BCKDHB: variants seen among roughly 807,000 people sequenced by gnomAD.
BCKDHB encodes the protein 2-oxoisovalerate dehydrogenase subunit beta, mitochondrial.
A neutral mutation model predicts 48.5 loss-of-function variants in BCKDHB; 41 were observed. That is an observed-to-expected ratio of 0.85 (90% CI 0.66 to 1.10). The LOEUF (loss-of-function observed/expected upper bound fraction) is 1.10. BCKDHB is among the 50% of genes least tolerant of loss of function. The pLI, the probability that BCKDHB is intolerant of heterozygous loss-of-function variation, is 0.00. For missense variants in BCKDHB, 496 were observed against 494.2 expected (o/e 1.00, Z -0.03); for synonymous variants, 201 against 174.8 (o/e 1.15, Z -1.18).
intron 1 of BCKDHB, among the ~76,000 whole-genome samples, chr6:80,121,524 CTCTTTTA>C (rs1234313763): frequency 1.3e-5 from 2 of 152,070 alleles, no homozygotes; most frequent in African/African-American, 2.4e-5. Flanking sequence ...TGTTTGTGTC[CTCTTTTA>C]TTTTGTTGAG....
chr6:80,356,618 C>T, the BCKDHB span: 1 of 151,962 alleles, frequency 6.6e-6, no homozygotes, highest in African/African-American at 2.4e-5. Flanking sequence ...AGAACATAGC[C>T]ATGTTAGGGT....
intron 8 of BCKDHB, among the ~76,000 whole-genome samples, chr6:80,212,000 G>T (rs550326784): frequency 0.036 from 5,541 of 152,122 alleles, 321 homozygotes; most frequent in African/African-American, 0.13. Context: ...CTAACAAAGA[G>T]CACATGCTTC....
intron 8 of BCKDHB, among the ~76,000 whole-genome samples, chr6:80,219,701 A>G (rs1775326008): frequency 6.6e-6 from 1 of 152,204 alleles, no homozygotes; most frequent in African/African-American, 2.4e-5. Flanking sequence ...AGCAAAGGGC[A>G]TATTGGGTGC....
intron 9 of BCKDHB, among the ~76,000 whole-genome samples, chr6:80,283,174 A>G (rs1766444502): frequency 6.6e-6 from 1 of 152,098 alleles, no homozygotes; most frequent in Admixed American, 6.5e-5. Flanking sequence ...GTATTGGGGT[A>G]TTCAGATTAT....
chr6:80,436,160 T>TTC, the BCKDHB span, among the ~76,000 whole-genome samples: 2 of 114,828 alleles, frequency 1.7e-5, no homozygotes, highest in Non-Finnish European at 3.4e-5. Context: ...TTTTTTTTTT[T>TTC]TTTTTTTTTT....
At chr6:80,180,674 CA>C in intron 6 of BCKDHB, among the ~76,000 whole-genome samples, 1 of 152,078 alleles carries the variant, frequency 6.6e-6, no homozygotes, top group Non-Finnish European at 1.5e-5. Flanking sequence ...ACTTTTTTAG[CA>C]GATGTACTAA....
At chr6:80,141,474 T>C (rs2505940) in intron 3 of BCKDHB, among the ~76,000 whole-genome samples, 93,769 of 151,938 alleles carry the variant, frequency 0.62, 29,173 homozygotes, top group South Asian at 0.76. Flanking sequence ...TTGTTTTCAA[T>C]TTAATTGATT....
At chr6:80,421,873 G>A in the BCKDHB span, among the ~76,000 whole-genome samples, 1 of 152,156 alleles carries the variant, frequency 6.6e-6, no homozygotes, top group South Asian at 2.1e-4. Context: ...AAGGAAAACA[G>A]AACATAAATG....
At chr6:80,200,808 A>C (rs1726558696) in intron 6 of BCKDHB, 126 bp from the exon 7 acceptor site, 2 of 738,086 alleles carry the variant, frequency 2.7e-6, no homozygotes. Context: ...TGTTTTAAGT[A>C]ATACAGAATT....
Position 80,344,646 on chromosome 6 carries a change from GTA to G in BCKDHB, c.*846_*847del, listed in dbSNP as rs1164935386. 6.6e-6 allele frequency: 1 copy of G among 152,182 alleles called. No individual in the cohort carries two copies. The highest frequency in any genetic ancestry group is 1.5e-5 in the Non-Finnish European group (1 of 68,070). 9.4% of individuals were successfully genotyped at this position (152,182 alleles called of 1,614,324 possible). On this transcript the variant is annotated 3_prime_UTR_variant, in exon 10 of 10. Transcript: ENST00000320393. ...AGGCATGAGCCACCGCGCCTGGCCT[GTA>G]TATGTGATTTCTAAAAAATAGATGC...
At chr6:80,383,531 C>G in the BCKDHB span, among the ~76,000 whole-genome samples, 87 of 151,986 alleles carry the variant, frequency 5.7e-4, no homozygotes, top group Admixed American at 2.3e-3. Flanking sequence ...AGTTAGCTTA[C>G]CAATAATTTT....
At chr6:80,432,350 C>A in the BCKDHB span, among the ~76,000 whole-genome samples, 1 of 152,116 alleles carries the variant, frequency 6.6e-6, no homozygotes, top group Non-Finnish European at 1.5e-5. Context: ...TTCACATAGT[C>A]CCATATTTCT....
chr6:80,419,028 T>C, the BCKDHB span, among the ~76,000 whole-genome samples: 1 of 152,172 alleles, frequency 6.6e-6, no homozygotes, highest in African/African-American at 2.4e-5. Context: ...CTGTTCTCTG[T>C]GCAGAATTAG....
intron 6 of BCKDHB, among the ~76,000 whole-genome samples, chr6:80,178,506 T>TTTAC (rs1262051228): frequency 6.6e-6 from 1 of 152,210 alleles, no homozygotes; most frequent in Non-Finnish European, 1.5e-5. Context: ...ACCCCCTCTA[T>TTTAC]TTACTCATAA....
rs896585416 is a variant in BCKDHB, at chr6:80,345,339, C to T, written c.*1535C>T. 2.0e-5 allele frequency: 3 copies of T among 152,088 alleles called. No individual in the cohort carries two copies. Among genetic ancestry groups the T allele is most frequent in the African/African-American group, 7.2e-5 (3 of 41,412 alleles). The allele number at this position is 152,088 out of a possible 1,614,324, so 9.4% of individuals were successfully genotyped here. On this transcript the variant is annotated 3_prime_UTR_variant, in exon 10 of 10. Coordinates refer to ENST00000320393, the MANE Select transcript of BCKDHB (RefSeq NM_183050.4). ...TATGCTTTTTCAAAAGCAAAATCAACTCTGTATAATAGCACATTCTCTACT... is the reference window on the plus strand; with the variant it reads ...TATGCTTTTTCAAAAGCAAAATCAATTCTGTATAATAGCACATTCTCTACT...
chr6:80,406,855 G>C, the BCKDHB span, among the ~76,000 whole-genome samples: 1 of 152,146 alleles, frequency 6.6e-6, no homozygotes, highest in African/African-American at 2.4e-5. Flanking sequence ...AAGCTCTTTA[G>C]TTTAATTAGA....
rs550333967 is a variant in BCKDHB, at chr6:80,226,969, C to T, written c.951+23757C>T. Among the ~76,000 whole-genome samples the T allele has an allele frequency of 2.0e-4, 30 of 152,190 alleles. 1 individual carries two copies. Among genetic ancestry groups the T allele is most frequent in the African/African-American group, 5.8e-4 (24 of 41,530 alleles). The stretch of plus-strand genomic sequence containing the variant: ...GTCAACCTCTTCTTTATCTTCTTTC[C>T]ACTTTGTAAAACTGAGACTTTCTTT... On this transcript the variant is annotated intron_variant, in intron 8 of 9. Transcript: ENST00000320393.
chr6:80,438,574 A>G, the BCKDHB span, among the ~76,000 whole-genome samples: 5 of 152,350 alleles, frequency 3.3e-5, no homozygotes, highest in East Asian at 9.6e-4. Context: ...TGAAATTCCA[A>G]GATTCCTCAT....
At chr6:80,362,543 T>G in the BCKDHB span, among the ~76,000 whole-genome samples, 4 of 152,166 alleles carry the variant, frequency 2.6e-5, no homozygotes, top group Non-Finnish European at 4.4e-5. Context: ...TCTGGGGGAC[T>G]CATAGATAAG....
Sources: gnomAD v4.1 joint callset for allele counts (sites outside exome capture counted in the v4.1 genomes callset) on GRCh38, gnomAD v4.1.1 for gene constraint, MANE v1.5 for transcripts, NCBI Gene and HGNC (gene_info 2026-07-23, HGNC 2026-07-21) for gene names.